Variants in ZEB1 observed in about 807,000 individuals in gnomAD.
ZEB1 encodes the protein zinc finger E-box-binding homeobox 1.
A neutral mutation model predicts 84.9 loss-of-function variants in ZEB1; 21 were observed. That is an observed-to-expected ratio of 0.25 (90% CI 0.18 to 0.36). The LOEUF is 0.36. Among genes scored for constraint, ZEB1 ranks in the 10% least tolerant of loss-of-function variants. The pLI is 1.00. For missense variants in ZEB1, 1,104 were observed against 1,330.2 expected (o/e 0.83, Z 2.65); for synonymous variants, 420 against 471.1 (o/e 0.89, Z 1.41).
In ZEB1 at chr10:31,332,540, T is replaced by A. The variant is rs1326533838; in HGVS notation, c.58+13248T>A. Among the ~76,000 whole-genome samples the A allele has an allele frequency of 2.6e-5, 4 of 152,288 alleles. 1 individual carries two copies. The highest frequency in any genetic ancestry group is 2.0e-4 in the Admixed American group (3 of 15,296). On this transcript the variant is annotated intron_variant, in intron 1 of 8. Coordinates refer to ENST00000424869, the MANE Select transcript of ZEB1 (RefSeq NM_001174096.2). Reference sequence around the variant, plus strand: ...ACATGTTATTGTACTTTGATATCAGTTCTGTGTCATAGATATTTAATAAAT... The same window carrying A: ...ACATGTTATTGTACTTTGATATCAGATCTGTGTCATAGATATTTAATAAAT...
At chr10:31,371,993 A>C (rs2134456591) in intron 1 of ZEB1, among the ~76,000 whole-genome samples, 1 of 152,220 alleles carries the variant, frequency 6.6e-6, no homozygotes, top group African/African-American at 2.4e-5. Flanking sequence ...ATAGATATGC[A>C]TGCATGTGTA....
intron 2 of ZEB1, among the ~76,000 whole-genome samples, chr10:31,485,983 A>G (rs1316094988): frequency 6.6e-6 from 1 of 151,908 alleles, no homozygotes; most frequent in Admixed American, 6.6e-5. Context: ...ACAACATGAA[A>G]CATAATCTGT....
rs536753987 is a variant in ZEB1 at position 31,346,752 on chromosome 10, A to G, written c.58+27460A>G. ...TGGTTGTTCTTATTGTGTGAAGGGA[A>G]CTTAAATCTTGTCAAATTACATACA... On this transcript the variant is annotated intron_variant, in intron 1 of 8. Coordinates refer to ENST00000424869, the MANE Select transcript of ZEB1 (RefSeq NM_001174096.2). 3.6e-4 allele frequency among the ~76,000 whole-genome samples: 55 copies of G among 152,242 alleles called. No individual in the cohort carries two copies. The Middle Eastern group carries it at 0.017, about 47-fold the overall frequency.
intron 2 of ZEB1, among the ~76,000 whole-genome samples, chr10:31,477,007 A>G (rs2064306726): frequency 6.6e-6 from 1 of 152,080 alleles, no homozygotes; most frequent in Admixed American, 6.6e-5. Flanking sequence ...GAACAAGACA[A>G]GGATGCCTAC....
intron 7 of ZEB1, 122 bp from the exon 8 acceptor site, chr10:31,523,811 G>A (rs1335898935): frequency 2.6e-6 from 3 of 1,152,102 alleles, no homozygotes; most frequent in Admixed American, 2.1e-5. Flanking sequence ...TGCTTGCTTT[G>A]GTCAAGTCCT....
At chr10:31,455,210 A>G (rs1052154934) in intron 1 of ZEB1, among the ~76,000 whole-genome samples, 10 of 152,230 alleles carry the variant, frequency 6.6e-5, no homozygotes, top group African/African-American at 1.7e-4. Flanking sequence ...GGCTAGCCAT[A>G]TGCAGAAAAC....
At chr10:31,440,240 G>A (rs1175839313) in intron 1 of ZEB1, among the ~76,000 whole-genome samples, 1 of 152,140 alleles carries the variant, frequency 6.6e-6, no homozygotes, top group Admixed American at 6.5e-5. Context: ...ACCAGGAATT[G>A]TATTTGGCTA....
intron 1 of ZEB1, among the ~76,000 whole-genome samples, chr10:31,434,040 G>A (rs1407150220): frequency 6.6e-6 from 1 of 152,100 alleles, no homozygotes; most frequent in Non-Finnish European, 1.5e-5. Flanking sequence ...TTCTTTACCT[G>A]CTTTTTTCTA....
intron 1 of ZEB1, among the ~76,000 whole-genome samples, chr10:31,410,079 C>T (rs902051574): frequency 1.3e-5 from 2 of 152,146 alleles, no homozygotes; most frequent in Non-Finnish European, 2.9e-5. Flanking sequence ...GCATCCTTGT[C>T]TTGTGCCGGT....
intron 1 of ZEB1, among the ~76,000 whole-genome samples, chr10:31,379,849 A>G (rs1016418699): frequency 6.6e-6 from 1 of 152,076 alleles, no homozygotes; most frequent in Non-Finnish European, 1.5e-5. Context: ...CTTTTTCCTC[A>G]ACTATTTTTA....
At chr10:31,408,397 T>C (rs1416953829) in intron 1 of ZEB1, among the ~76,000 whole-genome samples, 1 of 151,836 alleles carries the variant, frequency 6.6e-6, no homozygotes, top group East Asian at 1.9e-4. Context: ...AAAACTACTT[T>C]AAAGTTCATA....
At chr10:31,355,991 T>C (rs141361477) in intron 1 of ZEB1, among the ~76,000 whole-genome samples, 1 of 152,068 alleles carries the variant, frequency 6.6e-6, no homozygotes, top group African/African-American at 2.4e-5. Flanking sequence ...GTTACAGCAG[T>C]GGAGCTGGAG....
chr10:31,421,083 G>A (rs2056084854), intron 1 of ZEB1, among the ~76,000 whole-genome samples: 1 of 152,074 alleles, frequency 6.6e-6, no homozygotes, highest in Non-Finnish European at 1.5e-5. Context: ...GCTGTTTCTT[G>A]CCTGCCTTGT....
At chr10:31,407,831 C>G (rs1238493441) in intron 1 of ZEB1, among the ~76,000 whole-genome samples, 1 of 150,182 alleles carries the variant, frequency 6.7e-6, no homozygotes. Context: ...TGAAAACTGG[C>G]ACAAGACAGG....
intron 2 of ZEB1, among the ~76,000 whole-genome samples, chr10:31,464,383 A>G (rs2062146253): frequency 6.6e-6 from 1 of 152,090 alleles, no homozygotes; most frequent in Non-Finnish European, 1.5e-5. Context: ...AAGATATGAA[A>G]AACAGGTTAA....
intron 1 of ZEB1, among the ~76,000 whole-genome samples, chr10:31,356,368 A>G (rs1308271525): frequency 1.3e-5 from 2 of 151,972 alleles, no homozygotes; most frequent in African/African-American, 4.8e-5. Context: ...ATATATATAT[A>G]TAGTGCAGGT....
intron 1 of ZEB1, among the ~76,000 whole-genome samples, chr10:31,394,957 G>A (rs2050425402): frequency 6.6e-6 from 1 of 152,138 alleles, no homozygotes; most frequent in African/African-American, 2.4e-5. Context: ...TCATACACCA[G>A]AGATAACTCC....
At chr10:31,339,823 T>G (rs900736194) in intron 1 of ZEB1, among the ~76,000 whole-genome samples, 2 of 151,748 alleles carry the variant, frequency 1.3e-5, no homozygotes, top group African/African-American at 2.4e-5. Context: ...GCTGTGACCA[T>G]CAAGTCAGAT....
intron 1 of ZEB1, among the ~76,000 whole-genome samples, chr10:31,419,118 C>T (rs1378885538): frequency 6.6e-6 from 1 of 152,134 alleles, no homozygotes; most frequent in South Asian, 2.1e-4. Context: ...GAAAGTAATC[C>T]TGTAACTATA....
Sources: gnomAD v4.1 joint callset for allele counts (sites outside exome capture counted in the v4.1 genomes callset) on GRCh38, gnomAD v4.1.1 for gene constraint, MANE v1.5 for transcripts, NCBI Gene and HGNC (gene_info 2026-07-23, HGNC 2026-07-21) for gene names.